Variants in METAP1D observed in about 807,000 individuals in gnomAD.
METAP1D encodes the protein methionine aminopeptidase 1D, mitochondrial.
Under a neutral mutation model 40.5 loss-of-function variants are expected in METAP1D, and 31 were observed. The observed-to-expected ratio is 0.77, with a 90% confidence interval of 0.58 to 1.03. The LOEUF (loss-of-function observed/expected upper bound fraction) is 1.03, where lower values mean the gene tolerates loss of function less well. Among genes scored for constraint, METAP1D ranks in the 50% least tolerant of loss-of-function variants. The pLI is 0.00. For missense variants in METAP1D, 411 were observed against 420.7 expected (o/e 0.98, Z 0.20); for synonymous variants, 151 against 146.4 (o/e 1.03, Z -0.22).
At chr2:172,061,676 T>G in intron 2 of METAP1D, 21 bp downstream of exon 2, 2 of 1,547,820 alleles carry the variant, frequency 1.3e-6, no homozygotes, top group Non-Finnish European at 1.7e-6. Context: ...GCCTATTATC[T>G]CCTGCTTTTT....
intron 1 of METAP1D, among the ~76,000 whole-genome samples, chr2:172,038,080 G>T (rs1157214063): frequency 6.6e-6 from 1 of 152,134 alleles, no homozygotes; most frequent in Non-Finnish European, 1.5e-5. Context: ...ATATGTGGTA[G>T]GAAGCAGTAA....
chr2:172,043,092 CATACATATATAT>C (rs1559008768), intron 1 of METAP1D, among the ~76,000 whole-genome samples: 4 of 21,662 alleles, frequency 1.8e-4, no homozygotes, highest in Non-Finnish European at 2.1e-4. Context: ...CATATATTTA[CATACATATATAT>C]ATATATATAT....
intron 1 of METAP1D, among the ~76,000 whole-genome samples, chr2:172,003,005 G>A (rs985045690): frequency 6.6e-6 from 1 of 152,054 alleles, no homozygotes; most frequent in Non-Finnish European, 1.5e-5. Flanking sequence ...ATTAATTCTT[G>A]TTGAACAGAA....
Position 172,063,781 on chromosome 2 carries a change from A to C in METAP1D, c.269A>C (p.Asn90Thr), listed in dbSNP as rs759650362. The change falls in exon 3 of 10, where the codon AAT (asparagine) becomes ACT (threonine). Residue 90 changes from asparagine to threonine, a missense_variant. Asn to Thr is a moderately conservative substitution (Grantham distance 65). Transcript: ENST00000315796. ...PDWGDSIEVK[N>T]EDQIQGLHQA... ...TGGGGAGACAGCATAGAAGTTAAGAATGAAGATCAGATTCAAGGGCTTCAT... is the reference window on the plus strand; with the variant it reads ...TGGGGAGACAGCATAGAAGTTAAGACTGAAGATCAGATTCAAGGGCTTCAT... 1 of 1,614,138 alleles carries C rather than the reference A, an allele frequency of 6.2e-7. No homozygotes were observed. The highest frequency in any genetic ancestry group is 1.1e-5 in the South Asian group (1 of 91,066).
At chr2:172,054,823 G>A (rs570619499) in intron 1 of METAP1D, among the ~76,000 whole-genome samples, 26 of 152,200 alleles carry the variant, frequency 1.7e-4, no homozygotes, top group African/African-American at 4.6e-4. Context: ...AATTTTCAGC[G>A]TTCAACTCAG....
intron 1 of METAP1D, among the ~76,000 whole-genome samples, chr2:172,013,813 CT>C (rs1043796534): frequency 2.5e-4 from 27 of 107,652 alleles, no homozygotes; most frequent in South Asian, 8.6e-4. Context: ...AAACATTATA[CT>C]TTTTTTTTCT....
chr2:172,030,091 T>C (rs796687064), intron 1 of METAP1D, among the ~76,000 whole-genome samples: 4 of 146,058 alleles, frequency 2.7e-5, no homozygotes, highest in African/African-American at 1.0e-4. Context: ...TATTTATTTA[T>C]TTATTTATTT....
chr2:172,045,735 A>G (rs35879859), intron 1 of METAP1D, among the ~76,000 whole-genome samples: 2,793 of 72,834 alleles, frequency 0.038, 139 homozygotes, highest in Admixed American at 0.08. Flanking sequence ...GTGTGTGTAT[A>G]TATATGTGTA....
chr2:172,013,692 T>G (rs1305588188), intron 1 of METAP1D, among the ~76,000 whole-genome samples: 1 of 151,728 alleles, frequency 6.6e-6, no homozygotes, highest in Admixed American at 6.6e-5. Flanking sequence ...TGTGAGAGAA[T>G]AGAGAGAGCA....
chr2:172,052,243 C>CA (rs1449077173), intron 1 of METAP1D, among the ~76,000 whole-genome samples: 1 of 151,978 alleles, frequency 6.6e-6, no homozygotes, highest in African/African-American at 2.4e-5. Context: ...TTAATTAGGC[C>CA]AAAAAAATGT....
chr2:172,024,194 G>C (rs34326033), intron 1 of METAP1D, among the ~76,000 whole-genome samples: 2,034 of 152,086 alleles, frequency 0.013, 21 homozygotes, highest in Admixed American at 0.021. Context: ...TTGTGTGTTT[G>C]ACATAAAATG....
rs932296127 is a variant in METAP1D, at chr2:172,027,425, C to T, written c.40+27416C>T. Among the ~76,000 whole-genome samples the T allele has an allele frequency of 6.8e-4, 104 of 152,184 alleles. 1 individual carries two copies. The highest frequency in any genetic ancestry group is 2.4e-3 in the African/African-American group (98 of 41,440). Reference sequence around the variant, plus strand: ...ATATTCAGTACACTGACATGCTATACAGGTTTGTAGGCTAGGAGCAATAGG... The same window carrying T: ...ATATTCAGTACACTGACATGCTATATAGGTTTGTAGGCTAGGAGCAATAGG... On this transcript the variant is annotated intron_variant, in intron 1 of 9. Transcript: ENST00000315796.
intron 1 of METAP1D, among the ~76,000 whole-genome samples, chr2:172,059,172 G>T (rs1315238255): frequency 6.7e-6 from 1 of 150,324 alleles, no homozygotes; most frequent in African/African-American, 2.5e-5. Flanking sequence ...GCAGTGGCGC[G>T]ATCTTGGCTC....
At chr2:172,066,879 T>C (rs1429397987) in intron 5 of METAP1D, among the ~76,000 whole-genome samples, 1 of 152,226 alleles carries the variant, frequency 6.6e-6, no homozygotes. Context: ...TTGAGTTCCA[T>C]TTCTGGTATA....
intron 3 of METAP1D, among the ~76,000 whole-genome samples, chr2:172,065,216 C>A (rs1263174516): frequency 6.6e-6 from 1 of 152,148 alleles, no homozygotes; most frequent in African/African-American, 2.4e-5. Context: ...AACTGATGAA[C>A]CTTTTGAGCA....
intron 5 of METAP1D, among the ~76,000 whole-genome samples, chr2:172,067,802 A>T (rs979942864): frequency 6.6e-5 from 10 of 152,362 alleles, no homozygotes; most frequent in African/African-American, 2.2e-4. Context: ...TGCAAAACTT[A>T]TAAAGCAAAG....
At chr2:172,005,066 C>A (rs1444725698) in intron 1 of METAP1D, among the ~76,000 whole-genome samples, 1 of 152,056 alleles carries the variant, frequency 6.6e-6, no homozygotes, top group Non-Finnish European at 1.5e-5. Flanking sequence ...AGGCGCACAC[C>A]ACCACACCCA....
At chr2:172,036,778 G>A (rs1689401283) in intron 1 of METAP1D, among the ~76,000 whole-genome samples, 1 of 152,154 alleles carries the variant, frequency 6.6e-6, no homozygotes, top group Non-Finnish European at 1.5e-5. Flanking sequence ...ATAATTGACA[G>A]GCAGTTTTCC....
chr2:172,078,287 TG>T (rs1038820552), intron 7 of METAP1D, among the ~76,000 whole-genome samples: 12 of 152,234 alleles, frequency 7.9e-5, no homozygotes, highest in Non-Finnish European at 1.6e-4. Context: ...CTGACTGTTG[TG>T]GTTAAACTTC....
Sources: allele counts gnomAD v4.1 joint callset (sites outside exome capture counted in the v4.1 genomes callset), GRCh38; gene constraint gnomAD v4.1.1; transcripts MANE v1.5; gene names NCBI Gene and HGNC (gene_info 2026-07-23, HGNC 2026-07-21).